The following DRD4 variants were observed in gnomAD, a reference collection of about 807,000 sequenced individuals.
DRD4 encodes D(4) dopamine receptor.
A neutral mutation model predicts 22.1 loss-of-function variants in DRD4; 26 were observed. The observed-to-expected ratio is 1.17, with a 90% confidence interval of 0.86 to 1.63. The LOEUF (loss-of-function observed/expected upper bound fraction) is 1.63. Ranked by LOEUF, DRD4 falls within the 40% of genes most tolerant of loss-of-function variation. The probability of loss-of-function intolerance (pLI) is 0.00; values close to 1 mark genes in which losing one functional copy is unlikely to be tolerated. For missense variants in DRD4, 913 were observed against 632.4 expected, an observed-to-expected ratio of 1.44 and a Z score of -4.76; for synonymous variants, 455 against 306.7, an observed-to-expected ratio of 1.48 and a Z score of -5.05.
intron 1 of DRD4, among the ~76,000 whole-genome samples, chr11:637,857 C>T (rs1225820900): frequency 6.6e-6 from 1 of 152,238 alleles, no homozygotes; most frequent in African/African-American, 2.4e-5. Flanking sequence ...AGATGCCCGT[C>T]CTTCTATCCA....
chr11:640,038 G>C lies in DRD4; in HGVS notation c.789G>C (p.Ala263=). 8.4e-7 allele frequency: 1 copy of C among 1,186,652 alleles called. No individual in the cohort carries two copies. Among genetic ancestry groups the C allele is most frequent in the Admixed American group, 4.7e-5 (1 of 21,396 alleles). The allele number at this position is 1,186,652 out of a possible 1,614,324, so 73.5% of individuals were successfully genotyped here. The change falls in exon 3 of 4, where the codon GCG becomes GCC. Residue 263 remains alanine (A), a synonymous_variant. Coordinates refer to ENST00000176183, the MANE Select transcript of DRD4 (RefSeq NM_000797.4). ...AGGACCCCTGCGGCCCCGACTGTGCGCCCCCCGCGCCCGGCCTTCCCCGGG... is the reference window on the plus strand; with the variant it reads ...AGGACCCCTGCGGCCCCGACTGTGCCCCCCCCGCGCCCGGCCTTCCCCGGG... ...LPQDPCGPDC[A]PPAPGLPRGP... is the part of the protein sequence containing the mutation.
chr11:640,314 CCT>C lies in DRD4; in HGVS notation c.1057+9_1057+10del. The stretch of plus-strand genomic sequence containing the variant: ...TCCTGCCGGTGGTGGTCGGTGGGTT[CCT>C]GTCCTGAGGGGCGGGGAGGAGAGGA... On this transcript the variant is annotated intron_variant, in intron 3 of 3. Transcript: ENST00000176183. The C allele has an allele frequency of 3.9e-6, 6 of 1,539,898 alleles. No individual in the cohort carries two copies. Among genetic ancestry groups the C allele is most frequent in the Non-Finnish European group, 5.2e-6 (6 of 1,149,760 alleles).
At position 639,796 on chromosome 11, in the gene DRD4, G is replaced by T; in HGVS notation, c.547G>T (p.Ala183Ser). Residue 183 changes from alanine to serine, a missense_variant, in exon 3 of 4, where the codon GCC (alanine) becomes TCC (serine). Coordinates refer to ENST00000176183, the MANE Select transcript of DRD4 (RefSeq NM_000797.4). ...GLNDVRGRDP[A>S]VCRLEDRDYV... The stretch of plus-strand genomic sequence containing the variant: ...CAACGACGTGCGCGGCCGCGACCCC[G>T]CCGTGTGCCGCCTGGAGGACCGCGA... The T allele has an allele frequency of 6.3e-7, 1 of 1,580,590 alleles. No homozygotes were observed.
chr11:639,438 G>T lies in DRD4; in HGVS notation c.291G>T (p.Gln97His). 1 of 1,592,032 alleles carries T rather than the reference G, an allele frequency of 6.3e-7. No homozygotes were observed. The highest frequency in any genetic ancestry group is 8.5e-7 in the Non-Finnish European group (1 of 1,176,004). Reference sequence around the variant, plus strand: ...CCTGTGGTGTCGCCGCGCAGGTCCAGGGTGGCGCGTGGCTGCTGAGCCCCC... The same window carrying T: ...CCTGTGGTGTCGCCGCGCAGGTCCATGGTGGCGCGTGGCTGCTGAGCCCCC... ...VLPLFVYSEV[Q>H]GGAWLLSPRL... The change falls in exon 2 of 4, where the codon CAG becomes CAT. Residue 97 changes from glutamine to histidine, a missense_variant. Coordinates refer to ENST00000176183, the MANE Select transcript of DRD4 (RefSeq NM_000797.4).
In DRD4 at chr11:637,507, C is replaced by A; in HGVS notation, c.203C>A (p.Pro68His). The A allele has an allele frequency of 6.4e-7, 1 of 1,561,318 alleles. No individual in the cohort carries two copies. The change falls in exon 1 of 4, where the codon CCC (proline) becomes CAC (histidine). Residue 68 changes from proline to histidine, a missense_variant. Transcript: ENST00000176183. The stretch of plus-strand genomic sequence containing the variant: ...GCCACCGAGCGCGCCCTGCAGACGC[C>A]CACCAACTCCTTCATCGTGAGCCTG... ...SVATERALQTPTNSFIVSLAA... is the reference protein window; with the variant it reads ...SVATERALQTHTNSFIVSLAA...
chr11:639,703 C>T lies in DRD4; in HGVS notation c.454C>T (p.Gln152Ter), dbSNP rs1312254235. The stretch of plus-strand genomic sequence containing the variant: ...CAACCGGCAGGGTGGGAGCCGCCGG[C>T]AGCTGCTGCTCATCGGCGCCACGTG... ...RYNRQGGSRR[Q>*]LLLIGATWLL... is the part of the protein sequence containing the mutation. The change falls in exon 3 of 4, where the codon CAG becomes TAG. Residue 152 changes from glutamine (Q) to a stop codon, truncating the protein, a stop_gained. Transcript: ENST00000176183. LOFTEE classifies it high-confidence loss of function. The T allele has an allele frequency of 1.3e-6, 2 of 1,486,530 alleles. No homozygotes were observed. The highest frequency in any genetic ancestry group is 1.3e-5 in the South Asian group (1 of 79,522). 92.1% of individuals were successfully genotyped at this position (1,486,530 alleles called of 1,614,324 possible). A position where few individuals can be genotyped will look rare whatever the true frequency, so the allele number is the denominator to read the frequency against.
At chr11:639,581 C>A in intron 2 of DRD4, 36 bp downstream of exon 2, 3 of 1,330,178 alleles carry the variant, frequency 2.3e-6, no homozygotes, top group Non-Finnish European at 2.9e-6. Context: ...CCGGCGCCCC[C>A]GCGCCCCGCC....
rs547842677 is a variant in DRD4, at chr11:640,182, T to C, written c.933T>C (p.Ala311=). 3 of 1,503,564 alleles carry C rather than the reference T, an allele frequency of 2.0e-6. No individual in the cohort carries two copies. Among genetic ancestry groups the C allele is most frequent in the Non-Finnish European group, 2.6e-6 (3 of 1,133,498 alleles). The allele number at this position is 1,503,564 out of a possible 1,614,324, so 93.1% of individuals were successfully genotyped here. A position where few individuals can be genotyped will look rare whatever the true frequency, so the allele number is the denominator to read the frequency against. Residue 311 remains alanine, a synonymous_variant, in exon 3 of 4, where the codon GCT becomes GCC. Transcript: ENST00000176183. The stretch of plus-strand genomic sequence containing the variant: ...CGGACCCCTGCGGCTCCAACTGTGC[T>C]CCCCCCGACGCCGTCAGAGCCGCCG... ...LPPDPCGSNC[A]PPDAVRAAAL...
chr11:639,995 C>A lies in DRD4; in HGVS notation c.746C>A (p.Pro249His), dbSNP rs1386622620. 1 of 1,318,842 alleles carries A rather than the reference C, an allele frequency of 7.6e-7. No homozygotes were observed. The highest frequency in any genetic ancestry group is 9.6e-7 in the Non-Finnish European group (1 of 1,044,434). The allele number at this position is 1,318,842 out of a possible 1,614,324, so 81.7% of individuals were successfully genotyped here. A position where few individuals can be genotyped will look rare whatever the true frequency, so the allele number is the denominator to read the frequency against. Reference protein sequence around the residue: ...SGPGPPSPTPPAPRLPQDPCG... With the variant: ...SGPGPPSPTPHAPRLPQDPCG... Reference sequence around the variant, plus strand: ...CCTGGCCCGCCTTCCCCCACGCCACCCGCGCCCCGCCTCCCCCAGGACCCC... The same window carrying A: ...CCTGGCCCGCCTTCCCCCACGCCACACGCGCCCCGCCTCCCCCAGGACCCC... Residue 249 changes from proline to histidine, a missense_variant, in exon 3 of 4, where the codon CCC becomes CAC. Pro to His is a moderately conservative substitution (Grantham distance 77, BLOSUM62 -2). Coordinates refer to ENST00000176183, the MANE Select transcript of DRD4 (RefSeq NM_000797.4).
chr11:637,355 G>A lies in DRD4; in HGVS notation c.51G>A (p.Gly17=), dbSNP rs534204857. ...ADADGLLAGR[G]PAAGASAGAS... is the part of the protein sequence containing the mutation. ...CGGACGGGCTGCTGGCTGGGCGCGGGCCGGCCGCGGGGGCATCTGCGGGGG... is the reference window on the plus strand; with the variant it reads ...CGGACGGGCTGCTGGCTGGGCGCGGACCGGCCGCGGGGGCATCTGCGGGGG... The change falls in exon 1 of 4, where the codon GGG becomes GGA. Residue 17 remains glycine, a synonymous_variant. Coordinates refer to ENST00000176183, the MANE Select transcript of DRD4 (RefSeq NM_000797.4). The A allele has an allele frequency of 1.3e-4, 165 of 1,295,828 alleles. 4 individuals carry two copies. The highest frequency in any genetic ancestry group is 8.1e-4 in the South Asian group (33 of 40,892). The allele number at this position is 1,295,828 out of a possible 1,614,324, so 80.3% of individuals were successfully genotyped here.
Position 637,295 on chromosome 11 carries a change from C to G in DRD4, c.-10C>G, listed in dbSNP as rs550430259. 8.3e-5 allele frequency: 99 copies of G among 1,197,366 alleles called. 1 individual carries two copies. The highest frequency in any genetic ancestry group is 9.4e-5 in the Non-Finnish European group (91 of 966,118). 74.2% of individuals were successfully genotyped at this position (1,197,366 alleles called of 1,614,324 possible). A position where few individuals can be genotyped will look rare whatever the true frequency, so the allele number is the denominator to read the frequency against. On this transcript the variant is annotated 5_prime_UTR_variant, in exon 1 of 4. Coordinates refer to ENST00000176183, the MANE Select transcript of DRD4 (RefSeq NM_000797.4). ...TTGTCCGCGGTGCTCAGCGCCCGCC[C>G]GGGCGCGCCATGGGGAACCGCAGCA...
Position 637,314 on chromosome 11 carries a change from C to A in DRD4, c.10C>A (p.Arg4Ser). 1 of 1,244,010 alleles carries A rather than the reference C, an allele frequency of 8.0e-7. No individual in the cohort carries two copies. Among genetic ancestry groups the A allele is most frequent in the Non-Finnish European group, 1.0e-6 (1 of 997,282 alleles). 77.1% of individuals were successfully genotyped at this position (1,244,010 alleles called of 1,614,324 possible). MGN[R>S]STADADGLLA... Reference sequence around the variant, plus strand: ...CCCGCCCGGGCGCGCCATGGGGAACCGCAGCACCGCGGACGCGGACGGGCT... The same window carrying A: ...CCCGCCCGGGCGCGCCATGGGGAACAGCAGCACCGCGGACGCGGACGGGCT... The change falls in exon 1 of 4, where the codon CGC becomes AGC. Residue 4 changes from arginine (R) to serine (S), a missense_variant. Coordinates refer to ENST00000176183, the MANE Select transcript of DRD4 (RefSeq NM_000797.4).
rs982783408 is a variant in DRD4 at position 637,417 on chromosome 11, T to G, written c.113T>G (p.Leu38Arg). The change falls in exon 1 of 4, where the codon CTG (leucine) becomes CGG (arginine). Residue 38 changes from leucine to arginine, a missense_variant. Coordinates refer to ENST00000176183, the MANE Select transcript of DRD4 (RefSeq NM_000797.4). ...CTGGCTGGGCAGGGCGCGGCGGCGCTGGTGGGGGGCGTGCTGCTCATCGGC... is the reference window on the plus strand; with the variant it reads ...CTGGCTGGGCAGGGCGCGGCGGCGCGGGTGGGGGGCGTGCTGCTCATCGGC... ...AGLAGQGAAA[L>R]VGGVLLIGAV... 2.1e-5 allele frequency: 31 copies of G among 1,509,226 alleles called. No homozygotes were observed. In the African/African-American group the frequency reaches 2.7e-4, roughly 13 times the overall value. 93.5% of individuals were successfully genotyped at this position (1,509,226 alleles called of 1,614,324 possible). A position where few individuals can be genotyped will look rare whatever the true frequency, so the allele number is the denominator to read the frequency against.
rs927984495 is a variant in DRD4, at chr11:637,293, C to T, written c.-12C>T. 20 of 1,195,848 alleles carry T rather than the reference C, an allele frequency of 1.7e-5. No homozygotes were observed. Among genetic ancestry groups the T allele is most frequent in the Non-Finnish European group, 2.1e-5 (20 of 965,128 alleles). 74.1% of individuals were successfully genotyped at this position (1,195,848 alleles called of 1,614,324 possible). On this transcript the variant is annotated 5_prime_UTR_variant, in exon 1 of 4. Transcript: ENST00000176183. The stretch of plus-strand genomic sequence containing the variant: ...CGTTGTCCGCGGTGCTCAGCGCCCG[C>T]CCGGGCGCGCCATGGGGAACCGCAG...
rs776606454 is a variant in DRD4 at position 637,330 on chromosome 11, C to T, written c.26C>T (p.Ala9Val). 2.6e-4 allele frequency: 325 copies of T among 1,257,226 alleles called. No homozygotes were observed. Among genetic ancestry groups the T allele is most frequent in the Non-Finnish European group, 3.0e-4 (306 of 1,006,132 alleles). The allele number at this position is 1,257,226 out of a possible 1,614,324, so 77.9% of individuals were successfully genotyped here. MGNRSTADADGLLAGRGPA... is the reference protein window; with the variant it reads MGNRSTADVDGLLAGRGPA... ...ATGGGGAACCGCAGCACCGCGGACGCGGACGGGCTGCTGGCTGGGCGCGGG... is the reference window on the plus strand; with the variant it reads ...ATGGGGAACCGCAGCACCGCGGACGTGGACGGGCTGCTGGCTGGGCGCGGG... Residue 9 changes from alanine (A) to valine (V), a missense_variant, in exon 1 of 4, where the codon GCG becomes GTG. Transcript: ENST00000176183.
rs1362661753 is a variant in DRD4, at chr11:639,760, CTG to C, written c.514_515del (p.Cys172ArgfsTer277). On this transcript the variant is annotated frameshift_variant, in exon 3 of 4. Coordinates refer to ENST00000176183, the MANE Select transcript of DRD4 (RefSeq NM_000797.4). LOFTEE classifies it high-confidence loss of function. ...GTCCGCGGCGGTGGCGGCGCCCGTA[CTG>C]TGCGGCCTCAACGACGTGCGCGGCC... ...LLSAAVAAPV[L>X]CGLNDVRGRD... 6 of 1,565,854 alleles carry C rather than the reference CTG, an allele frequency of 3.8e-6. No individual in the cohort carries two copies. Among genetic ancestry groups the C allele is most frequent in the Non-Finnish European group, 5.1e-6 (6 of 1,165,556 alleles).
chr11:637,381 C>T lies in DRD4; in HGVS notation c.77C>T (p.Ala26Val), dbSNP rs990101829. 9.0e-6 allele frequency: 12 copies of T among 1,330,996 alleles called. No homozygotes were observed. The African/African-American group carries it at 1.5e-4, about 17-fold the overall frequency. The allele number at this position is 1,330,996 out of a possible 1,614,324, so 82.4% of individuals were successfully genotyped here. ...RGPAAGASAGASAGLAGQGAA... is the reference protein window; with the variant it reads ...RGPAAGASAGVSAGLAGQGAA... ...CCGGCCGCGGGGGCATCTGCGGGGG[C>T]ATCTGCGGGGCTGGCTGGGCAGGGC... is the stretch of plus-strand genomic sequence containing the variant. The change falls in exon 1 of 4, where the codon GCA (alanine) becomes GTA (valine). Residue 26 changes from alanine (A) to valine (V), a missense_variant. By Grantham distance (64) the Ala-to-Val change is moderately conservative. Transcript: ENST00000176183.
chr11:640,056 TC>T lies in DRD4; in HGVS notation c.811del (p.Arg271GlyfsTer75). On this transcript the variant is annotated frameshift_variant, in exon 3 of 4. Coordinates refer to ENST00000176183, the MANE Select transcript of DRD4 (RefSeq NM_000797.4). LOFTEE classifies it high-confidence loss of function. ...ACTGTGCGCCCCCCGCGCCCGGCCT[TC>T]CCCGGGGTCCCTGCGGCCCCGACTG... ...PDCAPPAPGL[P>X]RGPCGPDCAP... is the part of the protein sequence containing the mutation. 2 of 1,073,240 alleles carry T rather than the reference TC, an allele frequency of 1.9e-6. No individual in the cohort carries two copies. Among genetic ancestry groups the T allele is most frequent in the Non-Finnish European group, 2.3e-6 (2 of 878,876 alleles). 66.5% of individuals were successfully genotyped at this position (1,073,240 alleles called of 1,614,324 possible).
In DRD4 at chr11:637,423, G is replaced by C. The variant is rs981094877; in HGVS notation, c.119G>C (p.Gly40Ala). Residue 40 changes from glycine (G) to alanine (A), a missense_variant, in exon 1 of 4, where the codon GGG becomes GCG. By Grantham distance (60) the Gly-to-Ala change is moderately conservative. Transcript: ENST00000176183. ...LAGQGAAALV[G>A]GVLLIGAVLA... ...GGGCAGGGCGCGGCGGCGCTGGTGGGGGGCGTGCTGCTCATCGGCGCGGTG... is the reference window on the plus strand; with the variant it reads ...GGGCAGGGCGCGGCGGCGCTGGTGGCGGGCGTGCTGCTCATCGGCGCGGTG... The C allele has an allele frequency of 4.3e-5, 65 of 1,525,032 alleles. No individual in the cohort carries two copies. Among genetic ancestry groups the C allele is most frequent in the Non-Finnish European group, 3.5e-6 (4 of 1,141,926 alleles). 94.5% of individuals were successfully genotyped at this position (1,525,032 alleles called of 1,614,324 possible). A position where few individuals can be genotyped will look rare whatever the true frequency, so the allele number is the denominator to read the frequency against.
Sources: allele counts gnomAD v4.1 joint callset (sites outside exome capture counted in the v4.1 genomes callset), GRCh38; gene constraint gnomAD v4.1.1; transcripts MANE v1.5; gene names NCBI Gene and HGNC (gene_info 2026-07-23, HGNC 2026-07-21).